Variants in LARS1 observed in about 807,000 individuals in gnomAD.
LARS1 encodes the protein leucine--tRNA ligase, cytoplasmic.
LARS1 carries 100 observed loss-of-function variants against 162.8 expected under a neutral mutation model. The ratio of observed to expected loss-of-function variants is 0.61; its 90% CI spans 0.52 to 0.73. LARS1 has a LOEUF of 0.73. LARS1 is among the 30% of genes least tolerant of loss of function. The pLI is 0.00. For synonymous variants in LARS1, 457 were observed against 462.8 expected (o/e 0.99, Z 0.16); for missense variants, 1,258 against 1,408.9 (o/e 0.89, Z 1.71).
Position 146,182,481 on chromosome 5 carries a change from A to G in LARS1, c.6+7T>C, listed in dbSNP as rs777205669. Reference sequence around the variant, plus strand: ...GGCCCCTGCGGATTCTTCTCGCTCAAACTCACCGCCATTGCACCGCCCAGC... The same window carrying G: ...GGCCCCTGCGGATTCTTCTCGCTCAGACTCACCGCCATTGCACCGCCCAGC... On this transcript the variant is annotated splice_region_variant and intron_variant, in intron 1 of 31. Coordinates refer to ENST00000394434, the MANE Select transcript of LARS1 (RefSeq NM_020117.11). 6.2e-7 allele frequency: 1 copy of G among 1,613,770 alleles called. No homozygotes were observed. Among genetic ancestry groups the G allele is most frequent in the East Asian group, 2.2e-5 (1 of 44,868 alleles).
chr5:146,140,524 A>G (rs954033869), intron 20 of LARS1, among the ~76,000 whole-genome samples: 2 of 152,196 alleles, frequency 1.3e-5, no homozygotes, highest in African/African-American at 4.8e-5. Flanking sequence ...AATATATGTG[A>G]AGGCTGGGCG....
intron 19 of LARS1, 85 bp downstream of exon 19, chr5:146,143,327 T>C: frequency 6.7e-7 from 1 of 1,486,904 alleles, no homozygotes; most frequent in Non-Finnish European, 9.0e-7. Context: ...GTGAAATAAA[T>C]CTTATTAAAA....
At chr5:146,132,804 T>TAAAAAAAAAAAAAAA in intron 23 of LARS1, 94 bp downstream of exon 23, 2 of 752,524 alleles carry the variant, frequency 2.7e-6, no homozygotes, top group Non-Finnish European at 3.9e-6. Context: ...TTTATTTTAT[T>TAAAAAAAAAAAAAAA]AAAAAAAAAA....
chr5:146,181,680 A>G (rs547484674), intron 1 of LARS1, among the ~76,000 whole-genome samples: 2 of 151,706 alleles, frequency 1.3e-5, no homozygotes, highest in East Asian at 1.9e-4. Flanking sequence ...AAAAATTGCA[A>G]CTGTACTACC....
intron 15 of LARS1, among the ~76,000 whole-genome samples, chr5:146,148,472 CCTAA>C (rs1460345578): frequency 1.3e-5 from 2 of 152,090 alleles, no homozygotes; most frequent in Admixed American, 6.5e-5. Flanking sequence ...TAAAAATAAA[CCTAA>C]CTATTAATCC....
chr5:146,177,486 A>AC (rs1754646678), intron 2 of LARS1, 61 bp downstream of exon 2: 1 of 121,874 alleles, frequency 8.2e-6, no homozygotes, highest in African/African-American at 3.6e-5. Context: ...AAAAAAAAAT[A>AC]TATATATATA....
chr5:146,176,518 C>T (rs1024401553), intron 2 of LARS1, among the ~76,000 whole-genome samples: 4 of 151,086 alleles, frequency 2.6e-5, no homozygotes, highest in Non-Finnish European at 5.9e-5. Flanking sequence ...AAAAAATTTG[C>T]TAGCACATTT....
chr5:146,129,774 T>C (rs1310194496), intron 25 of LARS1, among the ~76,000 whole-genome samples: 1 of 152,224 alleles, frequency 6.6e-6, no homozygotes, highest in Admixed American at 6.5e-5. Flanking sequence ...GTTTATATCT[T>C]TCTCAATATT....
Position 146,144,480 on chromosome 5 carries a change from G to GTTT in LARS1, c.1646_1647insAAA (p.Lys548dup). On this transcript the variant is annotated inframe_insertion, in exon 17 of 32. Coordinates refer to ENST00000394434, the MANE Select transcript of LARS1 (RefSeq NM_020117.11). The stretch of plus-strand genomic sequence containing the variant: ...ACTTTCTCCCATCTTACGTTTCCAG[G>GTTT]TTCTTCAAGCACTGAGATGTCTGTT... 1 of 1,613,038 alleles carries GTTT rather than the reference G, an allele frequency of 6.2e-7. No homozygotes were observed. The highest frequency in any genetic ancestry group is 1.1e-5 in the South Asian group (1 of 90,724).
intron 24 of LARS1, 95 bp downstream of exon 24, chr5:146,130,924 C>T (rs568291106): frequency 9.2e-5 from 54 of 587,648 alleles, no homozygotes; most frequent in East Asian, 3.9e-4. Flanking sequence ...ACACTTTAGG[C>T]GAGTAATTGT....
intron 28 of LARS1, among the ~76,000 whole-genome samples, 166 bp downstream of exon 28, chr5:146,126,269 A>T (rs1350388701): frequency 1.3e-5 from 2 of 152,034 alleles, no homozygotes; most frequent in Non-Finnish European, 2.9e-5. Flanking sequence ...GCAATTCCAC[A>T]AGTAAACCCA....
chr5:146,182,456 G>C (rs762184230), intron 1 of LARS1, 32 bp downstream of exon 1: 2 of 1,613,668 alleles, frequency 1.2e-6, no homozygotes, highest in African/African-American at 2.7e-5. Flanking sequence ...CCGGCTCCAG[G>C]GCCCCTGCGG....
intron 25 of LARS1, 83 bp from the exon 26 acceptor site, chr5:146,129,201 C>T (rs1297876820): frequency 8.5e-7 from 1 of 1,174,416 alleles, no homozygotes; most frequent in Non-Finnish European, 1.2e-6. Context: ...TAGTTTCATA[C>T]CAAGGATACC....
intron 27 of LARS1, among the ~76,000 whole-genome samples, chr5:146,126,834 T>C (rs1299280419): frequency 6.6e-6 from 1 of 152,136 alleles, no homozygotes; most frequent in Non-Finnish European, 1.5e-5. Context: ...TCATAAAAAC[T>C]TGTTTTCAAA....
At chr5:146,169,969 G>GT (rs1428521316) in intron 4 of LARS1, among the ~76,000 whole-genome samples, 1 of 152,136 alleles carries the variant, frequency 6.6e-6, no homozygotes, top group African/African-American at 2.4e-5. Flanking sequence ...TGATACAATG[G>GT]TAAGTTAATA....
chr5:146,140,908 C>G (rs1441108940), intron 20 of LARS1, among the ~76,000 whole-genome samples: 1 of 152,042 alleles, frequency 6.6e-6, no homozygotes. Flanking sequence ...CATATATACA[C>G]ACATATACAT....
chr5:146,143,328 C>A, intron 19 of LARS1, 84 bp downstream of exon 19: 1 of 1,481,224 alleles, frequency 6.8e-7, no homozygotes, highest in Non-Finnish European at 9.1e-7. Flanking sequence ...TGAAATAAAT[C>A]TTATTAAAAC....
chr5:146,153,658 C>G, intron 12 of LARS1, 76 bp downstream of exon 12: 4 of 1,117,208 alleles, frequency 3.6e-6, no homozygotes, highest in Non-Finnish European at 5.4e-6. Flanking sequence ...TTAGCCTAGT[C>G]CCACAGCGTA....
At chr5:146,139,872 C>CAAAAAAAAAAAAAAAAAAAAAAAAAAAA (rs34203668) in intron 21 of LARS1, among the ~76,000 whole-genome samples, 1 of 83,390 alleles carries the variant, frequency 1.2e-5, no homozygotes, top group Non-Finnish European at 2.1e-5. Context: ...GACTCCGTCT[C>CAAAAAAAAAAAAAAAAAAAAAAAAAAAA]AAAAAAAAAA....
Sources: gnomAD v4.1 joint callset for allele counts (sites outside exome capture counted in the v4.1 genomes callset) on GRCh38, gnomAD v4.1.1 for gene constraint, MANE v1.5 for transcripts, NCBI Gene and HGNC (gene_info 2026-07-23, HGNC 2026-07-21) for gene names.